LHPP: variants seen among roughly 807,000 people sequenced by gnomAD.
The protein encoded by LHPP is hLHPP.
Under a neutral mutation model 30.3 loss-of-function variants are expected in LHPP, and 24 were observed. That is an observed-to-expected ratio of 0.79 (90% confidence interval 0.57 to 1.11). The LOEUF (loss-of-function observed/expected upper bound fraction) is 1.11, where lower values mean the gene tolerates loss of function less well. LHPP is among the 50% of genes most tolerant of loss of function. The pLI is 0.00. For missense variants in LHPP, 356 were observed against 367.2 expected (o/e 0.97, Z 0.25); for synonymous variants, 150 against 157.1 (o/e 0.95, Z 0.34).
chr10:124,523,347 C>A lies in LHPP; in HGVS notation c.716+6076C>A, dbSNP rs1240821969. Among the ~76,000 whole-genome samples, 1 of 152,192 alleles carries A rather than the reference C, an allele frequency of 6.6e-6. No homozygotes were observed. The highest frequency in any genetic ancestry group is 2.4e-5 in the African/African-American group (1 of 41,454). On this transcript the variant is annotated intron_variant, in intron 6 of 6. Transcript: ENST00000368842. This position sits in a 1 kb window ranked among gnomAD's most constrained non-coding sequence, Gnocchi z 4.2. ...CCGATCTAGGATTCCAGCCGCCTTG[C>A]ACAAAGCTGGAAGACGAGGGGCTGC...
chr10:124,496,565 C>T lies in LHPP; in HGVS notation c.468-396C>T, dbSNP rs557953793. Among the ~76,000 whole-genome samples the T allele has an allele frequency of 7.7e-4, 118 of 152,338 alleles. No individual in the cohort carries two copies. The highest frequency in any genetic ancestry group is 1.1e-3 in the Non-Finnish European group (75 of 68,024). On this transcript the variant is annotated intron_variant, in intron 3 of 6. Transcript: ENST00000368842. This position sits in a 1 kb window ranked among gnomAD's most constrained non-coding sequence, Gnocchi z 4.3. ...GGTTAATTATTAGCAATTAGGGGTT[C>T]GCCACATACCCCGTGGACCTGCTGT...
At chr10:124,549,846 C>A (rs1334533239) in intron 6 of LHPP, among the ~76,000 whole-genome samples, 2 of 152,240 alleles carry the variant, frequency 1.3e-5, no homozygotes, top group Non-Finnish European at 2.9e-5. Context: ...AAATGACCAC[C>A]TTTCTGAGCC....
chr10:124,529,061 T>C (rs1330177761), intron 6 of LHPP, among the ~76,000 whole-genome samples: 1 of 144,628 alleles, frequency 6.9e-6, no homozygotes, highest in East Asian at 2.1e-4. Context: ...AGACAGAGTC[T>C]TGCTCTGTCG....
rs1254139779 is a variant in LHPP, at chr10:124,461,974, G to C, written c.112G>C (p.Glu38Gln). 19 of 1,219,948 alleles carry C rather than the reference G, an allele frequency of 1.6e-5. No individual in the cohort carries two copies. In the African/African-American group the frequency reaches 2.8e-4, roughly 18 times the overall value. 75.6% of individuals were successfully genotyped at this position (1,219,948 alleles called of 1,614,324 possible). A position where few individuals can be genotyped will look rare whatever the true frequency, so the allele number is the denominator to read the frequency against. ...GGGTAIAGSV[E>Q]AVARLKRSRL... ...CGGCACGGCCATCGCCGGCTCGGTG[G>C]AGGCGGTGGCCAGGTGAGTGGGCCC... Residue 38 changes from glutamate (E) to glutamine (Q), a missense_variant, in exon 1 of 7, where the codon GAG becomes CAG. Physicochemically the swap from Glu to Gln is conservative, Grantham distance 29. Coordinates refer to ENST00000368842, the MANE Select transcript of LHPP (RefSeq NM_022126.4).
intron 6 of LHPP, among the ~76,000 whole-genome samples, chr10:124,543,635 T>C (rs1484663051): frequency 1.3e-5 from 2 of 152,206 alleles, no homozygotes; most frequent in East Asian, 3.9e-4. Flanking sequence ...ACTTCTCAGC[T>C]GTGTGGAGGG....
At chr10:124,542,832 C>T (rs6597834) in intron 6 of LHPP, among the ~76,000 whole-genome samples, 103,368 of 151,984 alleles carry the variant, frequency 0.68, 36,656 homozygotes, top group East Asian at 0.9. Flanking sequence ...TTTGTGGACG[C>T]GCCTGCCTGC....
chr10:124,585,704 TC>T (rs1390362034), intron 6 of LHPP, among the ~76,000 whole-genome samples: 1 of 151,886 alleles, frequency 6.6e-6, no homozygotes, highest in East Asian at 1.9e-4. Context: ...GCTCAAGTAA[TC>T]CTTCTGCCTC....
intron 6 of LHPP, among the ~76,000 whole-genome samples, chr10:124,539,284 C>A (rs892753138): frequency 6.6e-6 from 1 of 152,192 alleles, no homozygotes; most frequent in African/African-American, 2.4e-5. Flanking sequence ...GCACCCAAGG[C>A]CACGTCCTGC....
chr10:124,499,810 C>T (rs1443169857), intron 5 of LHPP, among the ~76,000 whole-genome samples: 2 of 151,908 alleles, frequency 1.3e-5, no homozygotes, highest in African/African-American at 4.9e-5. Context: ...ACACTGGTGC[C>T]TCATGGTGCT....
At chr10:124,563,307 CTTTTTCTTTTTT>C (rs1948429322) in intron 6 of LHPP, among the ~76,000 whole-genome samples, 2 of 26,100 alleles carry the variant, frequency 7.7e-5, no homozygotes, top group African/African-American at 2.9e-4. Flanking sequence ...CTCTCTCTCT[CTTTTTCTTTTTT>C]TTTTTTTTTG....
chr10:124,555,246 G>C (rs939602097), intron 6 of LHPP, among the ~76,000 whole-genome samples: 2 of 152,220 alleles, frequency 1.3e-5, no homozygotes, highest in East Asian at 1.9e-4. Flanking sequence ...GAACAGGCAG[G>C]GTGGGCGAAC....
intron 6 of LHPP, among the ~76,000 whole-genome samples, chr10:124,595,037 A>G (rs1948925270): frequency 6.6e-6 from 1 of 152,200 alleles, no homozygotes; most frequent in Non-Finnish European, 1.5e-5. Flanking sequence ...AGTCTCAGGT[A>G]TGTCTTCATT....
chr10:124,463,839 TGAG>T (rs1952478349), intron 1 of LHPP, among the ~76,000 whole-genome samples: 1 of 91,934 alleles, frequency 1.1e-5, no homozygotes, highest in African/African-American at 3.6e-5. Flanking sequence ...TTTTTTTTTT[TGAG>T]ACAAGGTCTT....
intron 5 of LHPP, among the ~76,000 whole-genome samples, chr10:124,513,308 C>A (rs1954357221): frequency 6.6e-6 from 1 of 152,034 alleles, no homozygotes; most frequent in African/African-American, 2.4e-5. Flanking sequence ...GATCTGCCTC[C>A]CTCGGCCTCC....
intron 6 of LHPP, 196 bp from the exon 7 acceptor site, chr10:124,613,068 G>A (rs1949222445): frequency 4.9e-6 from 3 of 606,726 alleles, no homozygotes; most frequent in Non-Finnish European, 8.9e-6. Context: ...TGAGGGCACA[G>A]TCAGGAGGGG....
rs181811766 is a variant in LHPP, at chr10:124,483,320, A to G, written c.126-819A>G. On this transcript the variant is annotated intron_variant, in intron 1 of 6. Coordinates refer to ENST00000368842, the MANE Select transcript of LHPP (RefSeq NM_022126.4). ...TGGGAAGTATGGATCCAGAGTTAGT[A>G]AGGCGTGGACGTGTGCAGCTCACTT... is the stretch of plus-strand genomic sequence containing the variant. Among the ~76,000 whole-genome samples, 1,061 of 152,318 alleles carry G rather than the reference A, an allele frequency of 7.0e-3. 7 individuals carry two copies. The highest frequency in any genetic ancestry group is 0.013 in the Admixed American group (199 of 15,296).
chr10:124,574,299 G>C (rs995037154), intron 6 of LHPP, among the ~76,000 whole-genome samples: 2 of 152,150 alleles, frequency 1.3e-5, no homozygotes, highest in Non-Finnish European at 2.9e-5. Context: ...GGCGTGAGCC[G>C]GGAGCATCGC....
intron 6 of LHPP, among the ~76,000 whole-genome samples, chr10:124,529,041 T>C (rs1954818386): frequency 6.9e-6 from 1 of 145,912 alleles, no homozygotes; most frequent in Non-Finnish European, 1.5e-5. Flanking sequence ...TTTTTTTTTT[T>C]TTTTTTTTGA....
chr10:124,522,794 GAT>G (rs1954642111), intron 6 of LHPP, among the ~76,000 whole-genome samples: 2 of 151,990 alleles, frequency 1.3e-5, no homozygotes, highest in Non-Finnish European at 2.9e-5. Context: ...TTCCTTGGAG[GAT>G]GGGGCTGGGC....
Sources: allele counts gnomAD v4.1 joint callset (sites outside exome capture counted in the v4.1 genomes callset), GRCh38; gene constraint gnomAD v4.1.1; non-coding constraint Gnocchi (gnomAD v3.1); transcripts MANE v1.5; gene names NCBI Gene and HGNC (gene_info 2026-07-23, HGNC 2026-07-21).